WDSUB1: variants seen among roughly 807,000 people sequenced by gnomAD.
WDSUB1 encodes the protein WD repeat, SAM and U-box domain-containing protein 1.
In WDSUB1, 49 loss-of-function variants were observed where a neutral mutation model predicts 53.9. The observed-to-expected ratio is 0.91, with a 90% CI of 0.72 to 1.15. The LOEUF (loss-of-function observed/expected upper bound fraction) is 1.15. Ranked by LOEUF, WDSUB1 falls within the 50% of genes most tolerant of loss-of-function variation. The pLI is 0.00. For synonymous variants in WDSUB1, 194 were observed against 200.6 expected, an observed-to-expected ratio of 0.97 and a Z score of 0.28; for missense variants, 514 against 562.0, an observed-to-expected ratio of 0.91 and a Z score of 0.86.
Position 159,257,948 on chromosome 2 carries a change from G to A in WDSUB1, c.842C>T (p.Thr281Ile). The change falls in exon 7 of 11, where the codon ACC (threonine) becomes ATC (isoleucine). Residue 281 changes from threonine (T) to isoleucine (I), a missense_variant. Physicochemically the swap from Thr to Ile is moderately conservative, Grantham distance 89. Coordinates refer to ENST00000359774, the MANE Select transcript of WDSUB1 (RefSeq NM_001128212.3). ...ENILHTLTQH[T>I]RYVTTCAFAP... Reference sequence around the variant, plus strand: ...CAAGGTGAGGTTAAGTTCAGACCTGGTGTGCTGAGTCAATGTGTGAAGTAT... The same window carrying A: ...CAAGGTGAGGTTAAGTTCAGACCTGATGTGCTGAGTCAATGTGTGAAGTAT... 1.9e-6 allele frequency: 3 copies of A among 1,613,392 alleles called. No individual in the cohort carries two copies. Among genetic ancestry groups the A allele is most frequent in the Non-Finnish European group, 2.5e-6 (3 of 1,179,618 alleles).
intron 10 of WDSUB1, among the ~76,000 whole-genome samples, chr2:159,238,656 A>G (rs1007906594): frequency 2.6e-5 from 4 of 152,148 alleles, no homozygotes; most frequent in Non-Finnish European, 5.9e-5. Context: ...TGGATTTTAA[A>G]CTTTTCCATT....
At chr2:159,239,735 C>A (rs149727981) in intron 10 of WDSUB1, among the ~76,000 whole-genome samples, 1 of 152,128 alleles carries the variant, frequency 6.6e-6, no homozygotes, top group African/African-American at 2.4e-5. Context: ...CCAGCCTGGG[C>A]GACATGGTGA....
intron 4 of WDSUB1, 102 bp from the exon 5 acceptor site, chr2:159,271,897 G>A: frequency 1.1e-6 from 1 of 910,166 alleles, no homozygotes; most frequent in Non-Finnish European, 1.7e-6. Context: ...TAATCTTTGA[G>A]TGCCTAAAGG....
chr2:159,236,808 G>A (rs1244539018), intron 10 of WDSUB1, among the ~76,000 whole-genome samples: 1 of 152,078 alleles, frequency 6.6e-6, no homozygotes, highest in Admixed American at 6.5e-5. Context: ...TGTATTTTTA[G>A]TAGAGTTTCA....
intron 5 of WDSUB1, among the ~76,000 whole-genome samples, chr2:159,267,235 C>T (rs1317489411): frequency 1.3e-5 from 2 of 152,094 alleles, no homozygotes; most frequent in Non-Finnish European, 2.9e-5. Flanking sequence ...AAATTCTATA[C>T]TGCCTTTTCC....
Position 159,282,967 on chromosome 2 carries a change from G to T in WDSUB1, c.103C>A (p.Arg35Ser). The change falls in exon 2 of 11, where the codon CGC (arginine) becomes AGC (serine). Residue 35 changes from arginine (R) to serine (S), a missense_variant. Physicochemically the swap from Arg to Ser is moderately radical, Grantham distance 110. Transcript: ENST00000359774. ...GTAAAGTCACGTAACGAGTACAGGC[G>T]AATTGTTTTGTCCAAGGAGCAAGTA... ...LATCSLDKTI[R>S]LYSLRDFTEL... 2 of 1,614,176 alleles carry T rather than the reference G, an allele frequency of 1.2e-6. No individual in the cohort carries two copies. Among genetic ancestry groups the T allele is most frequent in the Non-Finnish European group, 1.7e-6 (2 of 1,180,026 alleles).
chr2:159,266,345 C>A (rs1387991116), intron 5 of WDSUB1, among the ~76,000 whole-genome samples: 3 of 152,068 alleles, frequency 2.0e-5, no homozygotes, highest in Non-Finnish European at 4.4e-5. Context: ...CCCGCCACAA[C>A]GCCCGGCTAA....
rs2060471844 is a variant in WDSUB1, at chr2:159,236,098, C to T, written c.1366G>A (p.Val456Ile). Residue 456 changes from valine to isoleucine, a missense_variant, in exon 11 of 11, where the codon GTA becomes ATA. By Grantham distance (29) the Val-to-Ile change is conservative. Transcript: ENST00000359774. ...PMTNLVLPSA[V>I]LTPNRTLKMA... The stretch of plus-strand genomic sequence containing the variant: ...TTCAGAGTCCTATTTGGTGTAAGTA[C>T]CGCTGAAGGAAGAACAAGATTTGTC... 6.2e-7 allele frequency: 1 copy of T among 1,613,900 alleles called. No homozygotes were observed. Among genetic ancestry groups the T allele is most frequent in the Admixed American group, 1.7e-5 (1 of 59,990 alleles).
In WDSUB1 at chr2:159,282,951, C is replaced by T. The variant is rs371001713; in HGVS notation, c.119G>A (p.Arg40His). 60 of 1,614,018 alleles carry T rather than the reference C, an allele frequency of 3.7e-5. No homozygotes were observed. Among genetic ancestry groups the T allele is most frequent in the Non-Finnish European group, 4.7e-5 (55 of 1,180,042 alleles). Residue 40 changes from arginine (R) to histidine (H), a missense_variant, in exon 2 of 11, where the codon CGT becomes CAT. By Grantham distance (29) the Arg-to-His change is conservative. Coordinates refer to ENST00000359774, the MANE Select transcript of WDSUB1 (RefSeq NM_001128212.3). ...AGAATGTGGCAGTTCAGTAAAGTCA[C>T]GTAACGAGTACAGGCGAATTGTTTT... is the stretch of plus-strand genomic sequence containing the variant. ...LDKTIRLYSL[R>H]DFTELPHSPL...
At chr2:159,283,180 A>G (rs2151160850) in intron 1 of WDSUB1, 87 bp from the exon 2 acceptor site, 1 of 1,164,978 alleles carries the variant, frequency 8.6e-7, no homozygotes, top group East Asian at 2.5e-5. Context: ...AAAATGTTTT[A>G]ATTTGCTCAA....
intron 10 of WDSUB1, among the ~76,000 whole-genome samples, chr2:159,238,736 A>G (rs139025685): frequency 1.1e-4 from 16 of 152,290 alleles, no homozygotes; most frequent in African/African-American, 3.6e-4. Context: ...TCATAGGACC[A>G]GCAACCTTCC....
chr2:159,277,741 C>CTAAA (rs10695097), intron 3 of WDSUB1, among the ~76,000 whole-genome samples: 63,632 of 151,684 alleles, frequency 0.42, 14,581 homozygotes, highest in Non-Finnish European at 0.54. Context: ...ACTTTGTCTT[C>CTAAA]TAAATACAGT....
At chr2:159,247,885 A>AT (rs2060836469) in intron 10 of WDSUB1, among the ~76,000 whole-genome samples, 4 of 28,478 alleles carry the variant, frequency 1.4e-4, no homozygotes, top group African/African-American at 4.6e-4. Flanking sequence ...AAAATTAAAT[A>AT]AATATATATA....
chr2:159,259,472 T>C (rs977364977), intron 6 of WDSUB1, among the ~76,000 whole-genome samples: 6 of 152,190 alleles, frequency 3.9e-5, no homozygotes, highest in Admixed American at 3.3e-4. Context: ...CCAAAAACCC[T>C]AGGGTAAACA....
intron 10 of WDSUB1, among the ~76,000 whole-genome samples, chr2:159,239,265 A>G (rs977983503): frequency 1.5e-5 from 2 of 136,838 alleles, no homozygotes; most frequent in African/African-American, 6.5e-5. Flanking sequence ...TTGGCTTCCC[A>G]AAGTGCTGGG....
At chr2:159,252,192 A>G (rs1386826992) in intron 9 of WDSUB1, among the ~76,000 whole-genome samples, 5 of 152,236 alleles carry the variant, frequency 3.3e-5, no homozygotes, top group Admixed American at 6.5e-5. Flanking sequence ...TCAAGAGAAG[A>G]CACGAAACCT....
chr2:159,251,740 CTG>C (rs1344252638), intron 9 of WDSUB1, among the ~76,000 whole-genome samples: 1 of 152,216 alleles, frequency 6.6e-6, no homozygotes, highest in Admixed American at 6.5e-5. Context: ...TGCTACATCA[CTG>C]AGAGTTTGAT....
intron 5 of WDSUB1, among the ~76,000 whole-genome samples, chr2:159,263,674 A>G (rs1341403442): frequency 1.3e-5 from 2 of 152,194 alleles, no homozygotes; most frequent in African/African-American, 2.4e-5. Flanking sequence ...GATGCTATGA[A>G]ACATAAACCG....
Position 159,248,515 on chromosome 2 carries a change from G to A in WDSUB1, c.1133-3C>T, listed in dbSNP as rs569024843. On this transcript the variant is annotated splice_polypyrimidine_tract_variant and splice_region_variant and intron_variant, in intron 9 of 10. Transcript: ENST00000359774. ...TTTACTACGCAGTCCTAGAGATTCT[G>A]AAAAGAAATTACTGTTAGGGCTGGA... The A allele has an allele frequency of 1.3e-6, 2 of 1,494,146 alleles. No individual in the cohort carries two copies. Among genetic ancestry groups the A allele is most frequent in the Admixed American group, 2.5e-5 (1 of 39,842 alleles). 92.6% of individuals were successfully genotyped at this position (1,494,146 alleles called of 1,614,324 possible).
Sources: gnomAD v4.1 joint callset for allele counts (sites outside exome capture counted in the v4.1 genomes callset) on GRCh38, gnomAD v4.1.1 for gene constraint, MANE v1.5 for transcripts, NCBI Gene and HGNC (gene_info 2026-07-23, HGNC 2026-07-21) for gene names.